ALKBH1: variants seen among roughly 807,000 people sequenced by gnomAD.
ALKBH1 encodes alkB homolog 1, histone H2A dioxygenase, also known as nucleic acid dioxygenase ALKBH1.
A neutral mutation model predicts 36.6 loss-of-function variants in ALKBH1; 31 were observed. The ratio of observed to expected loss-of-function variants is 0.85; its 90% confidence interval spans 0.64 to 1.14. The LOEUF is 1.14. Ranked by LOEUF, ALKBH1 falls within the 50% of genes most tolerant of loss-of-function variation. The probability of loss-of-function intolerance (pLI) is 0.00; values close to 1 mark genes in which losing one functional copy is unlikely to be tolerated. For synonymous variants in ALKBH1, 183 were observed against 186.6 expected, an observed-to-expected ratio of 0.98 and a Z score of 0.16; for missense variants, 490 against 497.3, an observed-to-expected ratio of 0.99 and a Z score of 0.14.
At chr14:77,686,737 C>A (rs535239586) in intron 3 of ALKBH1, among the ~76,000 whole-genome samples, 1 of 152,338 alleles carries the variant, frequency 6.6e-6, no homozygotes, top group Admixed American at 6.5e-5. Flanking sequence ...GATTCTCCTG[C>A]CTCAGCCTCG....
intron 3 of ALKBH1, among the ~76,000 whole-genome samples, chr14:77,692,941 T>G (rs2080305973): frequency 6.6e-6 from 1 of 151,606 alleles, no homozygotes; most frequent in Admixed American, 6.6e-5. Flanking sequence ...GGAAGTGCCT[T>G]ACACCTGTAA....
At chr14:77,692,923 T>TG (rs1318270166) in intron 3 of ALKBH1, among the ~76,000 whole-genome samples, 58 of 151,626 alleles carry the variant, frequency 3.8e-4, no homozygotes, top group Non-Finnish European at 4.9e-4. Flanking sequence ...AAAATTTTTT[T>TG]GGGGCCGGGA....
At chr14:77,698,343 A>G (rs1007857328) in intron 2 of ALKBH1, among the ~76,000 whole-genome samples, 1 of 152,182 alleles carries the variant, frequency 6.6e-6, no homozygotes, top group African/African-American at 2.4e-5. Context: ...CTTTGAACTA[A>G]AGGAACTCCT....
chr14:77,703,726 T>C (rs28392707), intron 2 of ALKBH1, among the ~76,000 whole-genome samples: 1,578 of 151,730 alleles, frequency 0.01, 33 homozygotes, highest in African/African-American at 0.036. Flanking sequence ...GCCTCCCAAG[T>C]AGCTGGGATT....
chr14:77,707,953 G>A lies in ALKBH1; in HGVS notation c.52C>T (p.Pro18Ser). 6.2e-7 allele frequency: 1 copy of A among 1,613,242 alleles called. No individual in the cohort carries two copies. Among genetic ancestry groups the A allele is most frequent in the Non-Finnish European group, 8.5e-7 (1 of 1,179,920 alleles). Reference sequence around the variant, plus strand: ...AGTTTCCGAAAGGCGTCCTCCCCGGGCTCAGTCGCCAGAGTCGCCACAGAG... The same window carrying A: ...AGTTTCCGAAAGGCGTCCTCCCCGGACTCAGTCGCCAGAGTCGCCACAGAG... Reference protein sequence around the residue: ...VGSVATLATEPGEDAFRKLFR... With the variant: ...VGSVATLATESGEDAFRKLFR... Residue 18 changes from proline to serine, a missense_variant, in exon 1 of 6, where the codon CCC becomes TCC. Coordinates refer to ENST00000216489, the MANE Select transcript of ALKBH1 (RefSeq NM_006020.3).
At chr14:77,683,819 G>A (rs562713161) in intron 3 of ALKBH1, 170 of 169,746 alleles carry the variant, frequency 1.0e-3, no homozygotes, top group Admixed American at 2.5e-3. Flanking sequence ...TGATCCAAAC[G>A]CCTCAGCCTC....
intron 2 of ALKBH1, among the ~76,000 whole-genome samples, chr14:77,699,431 A>G (rs1484748729): frequency 6.6e-6 from 1 of 152,234 alleles, no homozygotes; most frequent in South Asian, 2.1e-4. Context: ...GTTTATTCCT[A>G]AGTCATTAAT....
intron 1 of ALKBH1, among the ~76,000 whole-genome samples, chr14:77,705,642 T>A (rs2080385174): frequency 6.6e-6 from 1 of 152,228 alleles, no homozygotes; most frequent in African/African-American, 2.4e-5. Context: ...TGTGAGTATC[T>A]AATGGATGGC....
At chr14:77,678,480 G>C (rs2080218104) in intron 4 of ALKBH1, among the ~76,000 whole-genome samples, 1 of 151,668 alleles carries the variant, frequency 6.6e-6, no homozygotes, top group Non-Finnish European at 1.5e-5. Flanking sequence ...CCTGAGTCTG[G>C]GGAGGTCGAG....
chr14:77,682,908 A>G (rs1477241456), intron 3 of ALKBH1, among the ~76,000 whole-genome samples: 1 of 151,800 alleles, frequency 6.6e-6, no homozygotes, highest in East Asian at 1.9e-4. Context: ...TGTTGGCTAG[A>G]CTCATCTTGA....
rs942350925 is a variant in ALKBH1, at chr14:77,704,247, T to C, written c.292+122A>G. 5 of 734,996 alleles carry C rather than the reference T, an allele frequency of 6.8e-6. No individual in the cohort carries two copies. The Admixed American group carries it at 8.8e-5, about 13-fold the overall frequency. 45.5% of individuals were successfully genotyped at this position (734,996 alleles called of 1,614,324 possible). A position where few individuals can be genotyped will look rare whatever the true frequency, so the allele number is the denominator to read the frequency against. ...CTAGAATGGGTTTGGAAATGAAACA[T>C]TTATCTGTTTATTATGTGTATCCTT... On this transcript the variant is annotated intron_variant, in intron 2 of 5. Coordinates refer to ENST00000216489, the MANE Select transcript of ALKBH1 (RefSeq NM_006020.3).
Position 77,694,880 on chromosome 14 carries a change from G to C in ALKBH1, c.313C>G (p.Pro105Ala), listed in dbSNP as rs1397703850. The stretch of plus-strand genomic sequence containing the variant: ...TGCCACTGGTAACCTGGGAGGAAGG[G>C]GTTTGGGATAAAAATAAACCCTATA... ...GYPGFIFIPNPFLPGYQWHWV... is the reference protein window; with the variant it reads ...GYPGFIFIPNAFLPGYQWHWV... The change falls in exon 3 of 6, where the codon CCC becomes GCC. Residue 105 changes from proline to alanine, a missense_variant. Transcript: ENST00000216489. 25 of 1,562,322 alleles carry C rather than the reference G, an allele frequency of 1.6e-5. No homozygotes were observed. Among genetic ancestry groups the C allele is most frequent in the Non-Finnish European group, 2.0e-5 (23 of 1,159,672 alleles).
intron 2 of ALKBH1, among the ~76,000 whole-genome samples, chr14:77,695,953 G>C (rs568575817): frequency 6.6e-6 from 1 of 152,058 alleles, no homozygotes; most frequent in African/African-American, 2.4e-5. Flanking sequence ...TTAGTTGGGC[G>C]TGGTGGCACG....
Position 77,707,860 on chromosome 14 carries a change from C to A in ALKBH1, c.145G>T (p.Ala49Ser). 3 of 1,612,150 alleles carry A rather than the reference C, an allele frequency of 1.9e-6. No individual in the cohort carries two copies. The highest frequency in any genetic ancestry group is 1.7e-5 in the Admixed American group (1 of 59,796). The change falls in exon 1 of 6, where the codon GCC becomes TCC. Residue 49 changes from alanine (A) to serine (S), a missense_variant. Physicochemically the swap from Ala to Ser is moderately conservative, Grantham distance 99 (BLOSUM62 1). Coordinates refer to ENST00000216489, the MANE Select transcript of ALKBH1 (RefSeq NM_006020.3). ...GGACCCTTGCCACGGGCTGCGTGGG[C>A]CGCCGAGAAGTCGATGACCCCTTCC... ...DLEGVIDFSA[A>S]HAARGKGPGA...
chr14:77,694,870 G>A lies in ALKBH1; in HGVS notation c.323C>T (p.Pro108Leu). The change falls in exon 3 of 6, where the codon CCA (proline) becomes CTA (leucine). Residue 108 changes from proline to leucine, a missense_variant. Pro to Leu is a moderately conservative substitution (Grantham distance 98). Transcript: ENST00000216489. ...GFIFIPNPFL[P>L]GYQWHWVKQC... ...TTTCACCCAGTGCCACTGGTAACCT[G>A]GGAGGAAGGGGTTTGGGATAAAAAT... The A allele has an allele frequency of 6.4e-7, 1 of 1,570,880 alleles. No individual in the cohort carries two copies. Among genetic ancestry groups the A allele is most frequent in the Non-Finnish European group, 8.6e-7 (1 of 1,162,416 alleles).
intron 3 of ALKBH1, among the ~76,000 whole-genome samples, chr14:77,685,206 G>A (rs2080261234): frequency 6.6e-6 from 1 of 152,186 alleles, no homozygotes; most frequent in Non-Finnish European, 1.5e-5. Context: ...ACTTTGGGAG[G>A]CTGAGATGGG....
chr14:77,707,405 T>C (rs17825554), intron 1 of ALKBH1, among the ~76,000 whole-genome samples: 9,836 of 152,248 alleles, frequency 0.065, 384 homozygotes, highest in African/African-American at 0.095. Flanking sequence ...GGGACTAGTT[T>C]TACGCACAGT....
intron 2 of ALKBH1, among the ~76,000 whole-genome samples, chr14:77,703,275 G>C (rs72685281): frequency 6.6e-6 from 1 of 151,506 alleles, no homozygotes; most frequent in African/African-American, 2.4e-5. Flanking sequence ...GAGACACCTC[G>C]CCTGGTCCCT....
intron 5 of ALKBH1, 30 bp from the exon 6 acceptor site, chr14:77,674,271 A>T (rs914054933): frequency 6.7e-7 from 1 of 1,503,178 alleles, no homozygotes. Context: ...ACACACAACA[A>T]TAAAAAAGTA....
Sources: gnomAD v4.1 joint callset for allele counts (sites outside exome capture counted in the v4.1 genomes callset) on GRCh38, gnomAD v4.1.1 for gene constraint, MANE v1.5 for transcripts, NCBI Gene and HGNC (gene_info 2026-07-23, HGNC 2026-07-21) for gene names.